Variants in EPN2 observed in about 807,000 individuals in gnomAD.
EPN2 encodes epsin-2.
A neutral mutation model predicts 61.7 loss-of-function variants in EPN2; 34 were observed. The observed-to-expected ratio is 0.55, with a 90% CI of 0.42 to 0.73. EPN2 has a LOEUF of 0.73. Among genes scored for constraint, EPN2 ranks in the 30% least tolerant of loss-of-function variants. EPN2 has a pLI of 0.00. For missense variants in EPN2, 714 were observed against 839.2 expected (o/e 0.85, Z 1.84); for synonymous variants, 349 against 353.6 (o/e 0.99, Z 0.15).
intron 4 of EPN2, among the ~76,000 whole-genome samples, chr17:19,287,265 A>G (rs2045415065): frequency 6.6e-6 from 1 of 152,060 alleles, no homozygotes; most frequent in Admixed American, 6.5e-5. Context: ...CAACCTGGCA[A>G]GTTGCTTAAG....
intron 1 of EPN2, among the ~76,000 whole-genome samples, chr17:19,276,216 G>A (rs1411302926): frequency 3.3e-5 from 5 of 152,166 alleles, no homozygotes; most frequent in Non-Finnish European, 1.5e-5. Context: ...TTGAGACAAA[G>A]TTGCTCTTTC....
intron 1 of EPN2, among the ~76,000 whole-genome samples, chr17:19,253,689 G>T (rs1452134800): frequency 1.3e-5 from 2 of 152,142 alleles, no homozygotes; most frequent in Admixed American, 1.3e-4. Context: ...GTGAGCCACT[G>T]TGCCTGGCCA....
At chr17:19,325,081 CTG>C (rs1906808168) in intron 7 of EPN2, among the ~76,000 whole-genome samples, 1 of 152,200 alleles carries the variant, frequency 6.6e-6, no homozygotes, top group African/African-American at 2.4e-5. Context: ...AAATAGAAAT[CTG>C]TAATCATGGA....
At chr17:19,255,215 G>A (rs915260075) in intron 1 of EPN2, among the ~76,000 whole-genome samples, 1 of 152,122 alleles carries the variant, frequency 6.6e-6, no homozygotes, top group Non-Finnish European at 1.5e-5. Context: ...GAGGGTGTGA[G>A]GGAGGCATTT....
chr17:19,237,868 C>T (rs2152195093), intron 1 of EPN2, among the ~76,000 whole-genome samples: 1 of 152,312 alleles, frequency 6.6e-6, no homozygotes, highest in East Asian at 1.9e-4. Flanking sequence ...ACCTCGGATC[C>T]TGGAGCCCCG....
chr17:19,266,652 T>G (rs1483903472), intron 1 of EPN2, among the ~76,000 whole-genome samples: 2 of 151,782 alleles, frequency 1.3e-5, no homozygotes, highest in African/African-American at 4.8e-5. Context: ...TCTGCCCGCC[T>G]CGGCCTCCCA....
chr17:19,276,212 C>T (rs938601730), intron 1 of EPN2, among the ~76,000 whole-genome samples: 1 of 152,014 alleles, frequency 6.6e-6, no homozygotes, highest in African/African-American at 2.4e-5. Context: ...TTTTTTGAGA[C>T]AAAGTTGCTC....
At chr17:19,279,353 GTCT>G (rs1052005584) in intron 1 of EPN2, among the ~76,000 whole-genome samples, 1 of 152,182 alleles carries the variant, frequency 6.6e-6, no homozygotes, top group Admixed American at 6.5e-5. Context: ...CCAGCTGGAG[GTCT>G]TCTGCTTCCA....
At chr17:19,264,562 G>A (rs142345662) in intron 1 of EPN2, among the ~76,000 whole-genome samples, 30 of 152,330 alleles carry the variant, frequency 2.0e-4, no homozygotes, top group Non-Finnish European at 2.6e-4. Flanking sequence ...ATTCAGTGAG[G>A]TGACTAAAAG....
chr17:19,253,061 G>A (rs1019036444), intron 1 of EPN2, among the ~76,000 whole-genome samples: 2 of 152,100 alleles, frequency 1.3e-5, no homozygotes, highest in Non-Finnish European at 2.9e-5. Flanking sequence ...ATAGTGTTGT[G>A]CCACTATCTA....
At chr17:19,302,439 G>C (rs553220815) in intron 4 of EPN2, among the ~76,000 whole-genome samples, 82 of 152,328 alleles carry the variant, frequency 5.4e-4, no homozygotes, top group African/African-American at 2.0e-3. Flanking sequence ...TCCACCTCCT[G>C]TCAAATCAGC....
intron 7 of EPN2, among the ~76,000 whole-genome samples, chr17:19,318,394 C>T (rs1598019377): frequency 6.6e-6 from 1 of 151,446 alleles, no homozygotes; most frequent in Non-Finnish European, 1.5e-5. Context: ...ACTGAAAATA[C>T]AAAAACTAGC....
At chr17:19,252,836 C>T (rs555445026) in intron 1 of EPN2, among the ~76,000 whole-genome samples, 5 of 152,058 alleles carry the variant, frequency 3.3e-5, no homozygotes, top group East Asian at 1.9e-4. Context: ...GCTACAGGTG[C>T]GTGTCACCAT....
At chr17:19,242,519 A>C (rs960063270) in intron 1 of EPN2, among the ~76,000 whole-genome samples, 5 of 152,200 alleles carry the variant, frequency 3.3e-5, no homozygotes, top group Non-Finnish European at 7.3e-5. Context: ...TCTGTGACTC[A>C]TTCCCCTAGT....
intron 6 of EPN2, 81 bp from the exon 7 acceptor site, chr17:19,313,024 G>T: frequency 6.9e-7 from 1 of 1,444,154 alleles, no homozygotes; most frequent in South Asian, 1.3e-5. Flanking sequence ...GGCACAGGTG[G>T]GTGATATTTA....
intron 1 of EPN2, among the ~76,000 whole-genome samples, chr17:19,238,336 T>G (rs528161244): frequency 2.0e-4 from 31 of 152,170 alleles, no homozygotes; most frequent in Non-Finnish European, 3.5e-4. Flanking sequence ...GCCGAGCGCG[T>G]TGGGAGGCTG....
chr17:19,246,592 T>C (rs913104428), intron 1 of EPN2, among the ~76,000 whole-genome samples: 2 of 152,068 alleles, frequency 1.3e-5, no homozygotes, highest in Non-Finnish European at 2.9e-5. Context: ...AGGCTTGGAC[T>C]TGAGTTTGTT....
At chr17:19,324,416 C>T (rs1221788509) in intron 7 of EPN2, among the ~76,000 whole-genome samples, 1 of 152,216 alleles carries the variant, frequency 6.6e-6, no homozygotes, top group African/African-American at 2.4e-5. Flanking sequence ...TCACTGTAAC[C>T]TCTGCCTCCC....
intron 4 of EPN2, among the ~76,000 whole-genome samples, chr17:19,290,953 A>G (rs1270765521): frequency 6.6e-6 from 1 of 152,112 alleles, no homozygotes; most frequent in Non-Finnish European, 1.5e-5. Flanking sequence ...CAGAGAAATG[A>G]CAGGGATTCC....
Sources: gnomAD v4.1 joint callset for allele counts (sites outside exome capture counted in the v4.1 genomes callset) on GRCh38, gnomAD v4.1.1 for gene constraint, MANE v1.5 for transcripts, NCBI Gene and HGNC (gene_info 2026-07-23, HGNC 2026-07-21) for gene names.